Variants in EDIL3 observed in about 807,000 individuals in gnomAD.
EDIL3 encodes the protein EGF like and discoidin domains 3.
In EDIL3, 37 loss-of-function variants were observed where a neutral mutation model predicts 67.4. The ratio of observed to expected loss-of-function variants is 0.55; its 90% CI spans 0.42 to 0.72. The LOEUF is 0.72. EDIL3 is among the 30% of genes least tolerant of loss of function. EDIL3 has a pLI of 0.00. For missense variants in EDIL3, 527 were observed against 586.3 expected (o/e 0.90, Z 1.04); for synonymous variants, 195 against 196.3 (o/e 0.99, Z 0.05).
intron 1 of EDIL3, among the ~76,000 whole-genome samples, chr5:84,367,756 C>T (rs546344681): frequency 2.6e-5 from 4 of 152,232 alleles, no homozygotes; most frequent in South Asian, 4.1e-4. Context: ...GCACTCCAGC[C>T]GTAGATGATG....
Position 84,303,759 on chromosome 5 carries a change from A to G in EDIL3, c.68-49547T>C, listed in dbSNP as rs560736044. Among the ~76,000 whole-genome samples, 3 of 148,356 alleles carry G rather than the reference A, an allele frequency of 2.0e-5. No homozygotes were observed. In the South Asian group the frequency reaches 6.4e-4, roughly 31 times the overall value. On this transcript the variant is annotated intron_variant, in intron 1 of 10. Coordinates refer to ENST00000296591, the MANE Select transcript of EDIL3 (RefSeq NM_005711.5). ...TCTCTTTTATTCTTCCAGCTCTTTA[A>G]TTCCACTTCCCGGAGGCATCAACTT...
chr5:84,362,444 T>C (rs947577180), intron 1 of EDIL3, among the ~76,000 whole-genome samples: 1 of 152,172 alleles, frequency 6.6e-6, no homozygotes, highest in African/African-American at 2.4e-5. Context: ...GAAGTTCTCC[T>C]ATTAACTAGC....
chr5:84,288,696 T>G (rs1745857397), intron 1 of EDIL3, among the ~76,000 whole-genome samples: 1 of 152,142 alleles, frequency 6.6e-6, no homozygotes, highest in Non-Finnish European at 1.5e-5. Context: ...ACTAAGAAAT[T>G]ATCTTCTCAG....
rs565018082 is a variant in EDIL3, at chr5:84,065,275, T to C, written c.808-431A>G. On this transcript the variant is annotated intron_variant, in intron 7 of 10. Transcript: ENST00000296591. ...GGATCATCCAGTCTCTCTAATGCTA[T>C]GATTAGATTTATGATGCTTTAAGGT... is the stretch of plus-strand genomic sequence containing the variant. 2.0e-4 allele frequency among the ~76,000 whole-genome samples: 31 copies of C among 152,318 alleles called. No homozygotes were observed. In the South Asian group the frequency reaches 5.6e-3, roughly 27 times the overall value.
intron 9 of EDIL3, among the ~76,000 whole-genome samples, chr5:84,046,196 A>G (rs999913992): frequency 1.3e-5 from 2 of 152,194 alleles, no homozygotes; most frequent in Non-Finnish European, 2.9e-5. Context: ...GCTCAGGAGC[A>G]CTGGAAGGGA....
chr5:84,307,790 G>A (rs72778409), intron 1 of EDIL3, among the ~76,000 whole-genome samples: 1 of 152,030 alleles, frequency 6.6e-6, no homozygotes, highest in South Asian at 2.1e-4. Context: ...GCATAATAAA[G>A]TACAGAAGAA....
Position 84,222,793 on chromosome 5 carries a change from AT to A in EDIL3, c.226+7061del, listed in dbSNP as rs1744368070. On this transcript the variant is annotated intron_variant, in intron 3 of 10. Coordinates refer to ENST00000296591, the MANE Select transcript of EDIL3 (RefSeq NM_005711.5). ...TCTCATGTCTTCTAGAGAAATGTCTATTCAGGATCTTTGCCCTCTCTTTAAT... is the reference window on the plus strand; with the variant it reads ...TCTCATGTCTTCTAGAGAAATGTCTATCAGGATCTTTGCCCTCTCTTTAAT... Among the ~76,000 whole-genome samples the A allele has an allele frequency of 2.6e-5, 4 of 151,706 alleles. No individual in the cohort carries two copies. In the South Asian group the frequency reaches 8.3e-4, roughly 31 times the overall value.
intron 1 of EDIL3, among the ~76,000 whole-genome samples, chr5:84,323,826 C>T (rs984255894): frequency 2.0e-5 from 3 of 151,736 alleles, no homozygotes; most frequent in African/African-American, 7.3e-5. Context: ...GCCAAAAGTA[C>T]ATTAGATATC....
At chr5:84,111,995 C>A (rs971621905) in intron 5 of EDIL3, among the ~76,000 whole-genome samples, 1 of 152,010 alleles carries the variant, frequency 6.6e-6, no homozygotes, top group Non-Finnish European at 1.5e-5. Flanking sequence ...TAGACACAGG[C>A]AGGGAACAGG....
chr5:84,245,245 A>G (rs897985147), intron 2 of EDIL3, among the ~76,000 whole-genome samples: 1 of 152,154 alleles, frequency 6.6e-6, no homozygotes, highest in African/African-American at 2.4e-5. Flanking sequence ...ATTAAAGGAG[A>G]TATAATCACA....
At chr5:84,330,726 C>T (rs1746854090) in intron 1 of EDIL3, among the ~76,000 whole-genome samples, 2 of 152,136 alleles carry the variant, frequency 1.3e-5, no homozygotes, top group Admixed American at 1.3e-4. Flanking sequence ...CTGCAGGGTG[C>T]AAGGATGCCT....
intron 3 of EDIL3, among the ~76,000 whole-genome samples, chr5:84,185,651 T>C (rs561313103): frequency 5.9e-5 from 9 of 152,258 alleles, no homozygotes; most frequent in Non-Finnish European, 8.8e-5. Flanking sequence ...TTTCACTCAA[T>C]AATTAAGTTA....
chr5:84,059,486 G>A (rs891285487), intron 9 of EDIL3, among the ~76,000 whole-genome samples: 6 of 152,186 alleles, frequency 3.9e-5, no homozygotes, highest in African/African-American at 1.2e-4. Context: ...AACAGTTACA[G>A]ATTTGGCAAA....
In EDIL3 at chr5:84,026,957, T is replaced by C. The variant is rs1376664574; in HGVS notation, c.1137+33343A>G. On this transcript the variant is annotated intron_variant, in intron 9 of 10. Transcript: ENST00000296591. ...AAAAATACAAAAAATTAGCCAGGTA[T>C]GGTGACATGCGCCTGTACTCTGAGC... 2.6e-5 allele frequency among the ~76,000 whole-genome samples: 4 copies of C among 152,092 alleles called. No individual in the cohort carries two copies. The East Asian group carries it at 5.8e-4, about 22-fold the overall frequency.
chr5:84,338,348 G>A (rs1747030403), intron 1 of EDIL3, among the ~76,000 whole-genome samples: 1 of 152,128 alleles, frequency 6.6e-6, no homozygotes, highest in Admixed American at 6.6e-5. Context: ...TGGACTTCCT[G>A]CACTTCTGCC....
At chr5:84,323,832 A>G (rs1469290260) in intron 1 of EDIL3, among the ~76,000 whole-genome samples, 2 of 151,950 alleles carry the variant, frequency 1.3e-5, no homozygotes, top group Non-Finnish European at 2.9e-5. Context: ...AGTACATTAG[A>G]TATCAATAAG....
At chr5:84,240,417 G>C (rs1041436550) in intron 2 of EDIL3, among the ~76,000 whole-genome samples, 1 of 152,144 alleles carries the variant, frequency 6.6e-6, no homozygotes, top group African/African-American at 2.4e-5. Flanking sequence ...GAGATGAATA[G>C]AGGCTCTATA....
At position 84,352,332 on chromosome 5, in the gene EDIL3, C is replaced by T. The variant is rs182110887; in HGVS notation, c.67+31976G>A. ...TCATTTTACCAAAAAGACATCTGCCCTGTTATGTTCATGACAACAGTATTC... is the reference window on the plus strand; with the variant it reads ...TCATTTTACCAAAAAGACATCTGCCTTGTTATGTTCATGACAACAGTATTC... On this transcript the variant is annotated intron_variant, in intron 1 of 10. Transcript: ENST00000296591. Among the ~76,000 whole-genome samples the T allele has an allele frequency of 2.6e-5, 4 of 152,188 alleles. No homozygotes were observed. In the East Asian group the frequency reaches 7.7e-4, roughly 29 times the overall value.
intron 5 of EDIL3, among the ~76,000 whole-genome samples, chr5:84,136,843 C>T (rs574124622): frequency 3.1e-4 from 47 of 151,956 alleles, no homozygotes; most frequent in African/African-American, 1.0e-3. Flanking sequence ...GTTTCAATGC[C>T]CTGAATTTAC....
Sources: gnomAD v4.1 joint callset for allele counts (sites outside exome capture counted in the v4.1 genomes callset) on GRCh38, gnomAD v4.1.1 for gene constraint, MANE v1.5 for transcripts, NCBI Gene and HGNC (gene_info 2026-07-23, HGNC 2026-07-21) for gene names.